PALM2AKAP2: variants seen among roughly 807,000 people sequenced by gnomAD.
PALM2AKAP2 encodes the protein PALM2-AKAP2 fusion protein.
A neutral mutation model predicts 71.5 loss-of-function variants in PALM2AKAP2; 37 were observed. That is an observed-to-expected ratio of 0.52 (90% CI 0.40 to 0.68). PALM2AKAP2 has a LOEUF of 0.68. Ranked by LOEUF, PALM2AKAP2 falls within the 30% of genes least tolerant of loss-of-function variation. The pLI is 0.00. For synonymous variants in PALM2AKAP2, 468 were observed against 478.8 expected, an observed-to-expected ratio of 0.98 and a Z score of 0.29; for missense variants, 1,224 against 1,191.8, an observed-to-expected ratio of 1.03 and a Z score of -0.40.
rs530735046 is a variant in PALM2AKAP2 at position 109,663,192 on chromosome 9, G to A, written c.5+22326G>A. The stretch of plus-strand genomic sequence containing the variant: ...GTTTTTTGTGTCTCTATCTCTTTCA[G>A]TTCTGCTCTGATCTTAGTTATTTCT... On this transcript the variant is annotated intron_variant, in intron 1 of 6. Coordinates refer to the PALM2AKAP2 transcript ENST00000374531. 3.9e-5 allele frequency among the ~76,000 whole-genome samples: 6 copies of A among 152,236 alleles called. 1 individual carries two copies. The highest frequency in any genetic ancestry group is 1.4e-4 in the African/African-American group (6 of 41,550).
At chr9:109,936,307 G>T (rs900815620) in intron 6 of PALM2AKAP2, among the ~76,000 whole-genome samples, 1 of 152,134 alleles carries the variant, frequency 6.6e-6, no homozygotes, top group Non-Finnish European at 1.5e-5. Flanking sequence ...ACTCTGTATT[G>T]AACATTAGAA....
intron 1 of PALM2AKAP2, among the ~76,000 whole-genome samples, chr9:109,760,015 C>T (rs556239379): frequency 2.6e-5 from 4 of 152,228 alleles, no homozygotes; most frequent in South Asian, 4.1e-4. Flanking sequence ...AGAACATTTC[C>T]GTCACCACAG....
chr9:109,647,742 G>A (rs996586957), intron 1 of PALM2AKAP2, among the ~76,000 whole-genome samples: 3 of 152,122 alleles, frequency 2.0e-5, no homozygotes, highest in African/African-American at 7.2e-5. Flanking sequence ...TAAGCCACAA[G>A]GTGCAAATGT....
chr9:110,030,036 C>G (rs1833250605), intron 7 of PALM2AKAP2, among the ~76,000 whole-genome samples: 1 of 152,112 alleles, frequency 6.6e-6, no homozygotes, highest in Non-Finnish European at 1.5e-5. Flanking sequence ...TTTCCCTTTG[C>G]CCTCTGAAAT....
intron 1 of PALM2AKAP2, among the ~76,000 whole-genome samples, chr9:110,106,565 G>C (rs1375633049): frequency 6.6e-6 from 1 of 152,098 alleles, no homozygotes. Context: ...ATGAGAAGAG[G>C]GTGGTGATGG....
chr9:109,718,649 C>T (rs746577522), intron 1 of PALM2AKAP2, among the ~76,000 whole-genome samples: 3 of 151,686 alleles, frequency 2.0e-5, no homozygotes, highest in Non-Finnish European at 4.4e-5. Flanking sequence ...CTCATATGCC[C>T]CTTGCCTAGT....
At chr9:109,640,821 G>T (rs1329393873) in exon 1 of PALM2AKAP2, 2 of 1,512,850 alleles carry the variant, frequency 1.3e-6, no homozygotes, top group African/African-American at 1.4e-5. Context: ...GAGCAGCGCC[G>T]GTGAGCCCCG....
intron 1 of PALM2AKAP2, among the ~76,000 whole-genome samples, chr9:109,796,191 A>G (rs978585309): frequency 3.3e-5 from 5 of 152,100 alleles, no homozygotes; most frequent in Non-Finnish European, 5.9e-5. Flanking sequence ...AAAATAAAAT[A>G]TTTAGGATTA....
At chr9:109,844,025 C>G (rs79480990) in intron 1 of PALM2AKAP2, among the ~76,000 whole-genome samples, 1 of 152,216 alleles carries the variant, frequency 6.6e-6, no homozygotes, top group African/African-American at 2.4e-5. Flanking sequence ...TTTGGGTTCT[C>G]TTTCTCAAAC....
At chr9:110,123,987 T>C (rs1835544903) in intron 1 of PALM2AKAP2, among the ~76,000 whole-genome samples, 1 of 152,244 alleles carries the variant, frequency 6.6e-6, no homozygotes, top group Admixed American at 6.5e-5. Flanking sequence ...CAGGGCAGCA[T>C]AAATTCGGAG....
At chr9:110,003,553 G>A (rs1471958840) in intron 6 of PALM2AKAP2, among the ~76,000 whole-genome samples, 1 of 152,216 alleles carries the variant, frequency 6.6e-6, no homozygotes, top group South Asian at 2.1e-4. Context: ...GGTCCACTTG[G>A]TGCAGAGCTG....
At chr9:109,937,857 C>T (rs1319393718) in intron 6 of PALM2AKAP2, among the ~76,000 whole-genome samples, 1 of 152,154 alleles carries the variant, frequency 6.6e-6, no homozygotes, top group African/African-American at 2.4e-5. Flanking sequence ...AAGCCCTCAC[C>T]CCTCAACAGC....
chr9:109,931,545 ACT>A (rs377062071), intron 5 of PALM2AKAP2, among the ~76,000 whole-genome samples: 70 of 152,330 alleles, frequency 4.6e-4, no homozygotes, highest in African/African-American at 1.7e-3. Flanking sequence ...GTTTTTCAGT[ACT>A]GTTTAATGTA....
intron 3 of PALM2AKAP2, among the ~76,000 whole-genome samples, chr9:109,909,726 A>AAG (rs2131886630): frequency 6.6e-6 from 1 of 152,362 alleles, no homozygotes; most frequent in African/African-American, 2.4e-5. Context: ...GACTTCCATA[A>AAG]AGAGATGATA....
At chr9:110,021,916 T>C (rs138377014) in intron 7 of PALM2AKAP2, among the ~76,000 whole-genome samples, 4 of 152,272 alleles carry the variant, frequency 2.6e-5, no homozygotes, top group African/African-American at 4.8e-5. Flanking sequence ...CCAAGTAACT[T>C]TCATGATTAG....
At chr9:109,746,456 A>G (rs186091071) in intron 1 of PALM2AKAP2, among the ~76,000 whole-genome samples, 4 of 152,256 alleles carry the variant, frequency 2.6e-5, no homozygotes, top group Non-Finnish European at 5.9e-5. Context: ...AATGCAAGCT[A>G]CAAAGTAGGT....
At chr9:109,915,922 C>G (rs542440075) in intron 3 of PALM2AKAP2, among the ~76,000 whole-genome samples, 10 of 151,980 alleles carry the variant, frequency 6.6e-5, no homozygotes, top group African/African-American at 2.4e-4. Flanking sequence ...TGACCAACAC[C>G]CAGGCAAAGG....
At chr9:110,060,973 T>G (rs1466297749) in intron 1 of PALM2AKAP2, among the ~76,000 whole-genome samples, 2 of 152,200 alleles carry the variant, frequency 1.3e-5, no homozygotes, top group Non-Finnish European at 2.9e-5. Flanking sequence ...AGTTCCTTAA[T>G]TTTGAAGGCA....
chr9:109,909,669 T>C (rs1389885972), intron 3 of PALM2AKAP2, among the ~76,000 whole-genome samples: 1 of 152,098 alleles, frequency 6.6e-6, no homozygotes, highest in Non-Finnish European at 1.5e-5. Context: ...GTCCATGAGA[T>C]ATGGCAGCAA....
Sources: gnomAD v4.1 joint callset for allele counts (sites outside exome capture counted in the v4.1 genomes callset) on GRCh38, gnomAD v4.1.1 for gene constraint, MANE v1.5 for transcripts, NCBI Gene and HGNC (gene_info 2026-07-23, HGNC 2026-07-21) for gene names.